ASCC3: variants seen among roughly 807,000 people sequenced by gnomAD.
The protein encoded by ASCC3 is activating signal cointegrator 1 complex subunit 3.
A neutral mutation model predicts 256.3 loss-of-function variants in ASCC3; 158 were observed. The ratio of observed to expected loss-of-function variants is 0.62; its 90% CI spans 0.54 to 0.70. The LOEUF is 0.70. Among genes scored for constraint, ASCC3 ranks in the 30% least tolerant of loss-of-function variants. ASCC3 has a pLI of 0.00. For synonymous variants in ASCC3, 948 were observed against 883.4 expected (o/e 1.07, Z -1.30); for missense variants, 2,259 against 2,626.0 (o/e 0.86, Z 3.05).
rs1231317381 is a variant in ASCC3 at position 100,516,253 on chromosome 6, T to C, written c.6002A>G (p.His2001Arg). 2 of 1,613,660 alleles carry C rather than the reference T, an allele frequency of 1.2e-6. No homozygotes were observed. Among genetic ancestry groups the C allele is most frequent in the Non-Finnish European group, 1.7e-6 (2 of 1,179,762 alleles). The change falls in exon 39 of 42, where the codon CAT becomes CGT. Residue 2001 changes from histidine (H) to arginine (R), a missense_variant. Coordinates refer to ENST00000369162, the MANE Select transcript of ASCC3 (RefSeq NM_006828.4). ...TSIESLPELI[H>R]ACGGKDHVFS... ...TACATGGTCTTTCCCTCCACAGGCA[T>C]GGATCAGTTCAGGAAGGGACTCGAT...
At chr6:100,821,020 T>C (rs1411189805) in intron 4 of ASCC3, among the ~76,000 whole-genome samples, 2 of 152,158 alleles carry the variant, frequency 1.3e-5, no homozygotes, top group African/African-American at 2.4e-5. Context: ...ATAAGTTGTA[T>C]TGTTGTTGTT....
chr6:100,509,277 G>T lies in ASCC3; in HGVS notation c.*109C>A, dbSNP rs1773638380. 6.9e-6 allele frequency: 10 copies of T among 1,442,406 alleles called. No individual in the cohort carries two copies. The highest frequency in any genetic ancestry group is 9.7e-6 in the Non-Finnish European group (10 of 1,028,992). 89.4% of individuals were successfully genotyped at this position (1,442,406 alleles called of 1,614,324 possible). ...CACTGTCAATTTCCTGGATGGTTGAGGTTAGAAGTTGATTCTTTCAAGGCA... is the reference window on the plus strand; with the variant it reads ...CACTGTCAATTTCCTGGATGGTTGATGTTAGAAGTTGATTCTTTCAAGGCA... On this transcript the variant is annotated 3_prime_UTR_variant, in exon 42 of 42. Coordinates refer to ENST00000369162, the MANE Select transcript of ASCC3 (RefSeq NM_006828.4).
chr6:100,750,275 T>C (rs937249268), intron 10 of ASCC3, among the ~76,000 whole-genome samples: 38 of 152,012 alleles, frequency 2.5e-4, no homozygotes, highest in Admixed American at 2.4e-3. Context: ...CTTAAAAATT[T>C]CAAAGGTATA....
chr6:100,743,286 G>C (rs961227533), intron 10 of ASCC3, among the ~76,000 whole-genome samples: 4 of 152,166 alleles, frequency 2.6e-5, no homozygotes, highest in African/African-American at 9.7e-5. Context: ...CACAATGTGA[G>C]AACCTGGATA....
intron 16 of ASCC3, among the ~76,000 whole-genome samples, chr6:100,660,153 TTAC>T (rs1776123793): frequency 1.3e-5 from 2 of 151,590 alleles, no homozygotes; most frequent in African/African-American, 4.8e-5. Context: ...CACCTTTAAC[TTAC>T]TACATTTTAT....
intron 8 of ASCC3, among the ~76,000 whole-genome samples, chr6:100,791,027 A>G (rs558057469): frequency 2.0e-5 from 3 of 152,028 alleles, no homozygotes; most frequent in Admixed American, 6.6e-5. Flanking sequence ...TTTGAATGAT[A>G]AAGCATTTTC....
At chr6:100,620,189 T>C (rs1773877537) in intron 30 of ASCC3, among the ~76,000 whole-genome samples, 1 of 152,188 alleles carries the variant, frequency 6.6e-6, no homozygotes, top group Admixed American at 6.5e-5. Context: ...CATTCAACTC[T>C]TTCTATCTTG....
At chr6:100,519,594 G>C (rs1774202715) in intron 37 of ASCC3, among the ~76,000 whole-genome samples, 1 of 152,066 alleles carries the variant, frequency 6.6e-6, no homozygotes, top group South Asian at 2.1e-4. Context: ...GAAGAGAAAA[G>C]GAAAAGAGAA....
chr6:100,516,454 T>C (rs569508246), intron 38 of ASCC3, 127 bp from the exon 39 acceptor site: 51 of 1,203,276 alleles, frequency 4.2e-5, no homozygotes, highest in Non-Finnish European at 5.3e-5. Context: ...AAGACCATTA[T>C]GCTAAGTTTA....
At chr6:100,601,770 G>T (rs766340584) in intron 34 of ASCC3, 40 bp downstream of exon 34, 1 of 1,541,748 alleles carries the variant, frequency 6.5e-7, no homozygotes, top group South Asian at 1.2e-5. Flanking sequence ...GTCTTATTTC[G>T]GGGCAAAACA....
intron 4 of ASCC3, among the ~76,000 whole-genome samples, chr6:100,829,817 C>T (rs1197220737): frequency 6.6e-6 from 1 of 152,048 alleles, no homozygotes; most frequent in Non-Finnish European, 1.5e-5. Context: ...AAGAGATCAA[C>T]AACAATAATA....
intron 13 of ASCC3, among the ~76,000 whole-genome samples, chr6:100,689,995 T>C (rs895619201): frequency 1.2e-4 from 18 of 152,120 alleles, no homozygotes; most frequent in Non-Finnish European, 1.6e-4. Context: ...AAGGTCAAAA[T>C]TGGCTTCTAA....
chr6:100,879,099 G>A (rs1344389641), intron 1 of ASCC3, among the ~76,000 whole-genome samples: 1 of 152,144 alleles, frequency 6.6e-6, no homozygotes, highest in Non-Finnish European at 1.5e-5. Flanking sequence ...AGGGAAACAC[G>A]TTTACCAATT....
At chr6:100,511,592 T>C (rs1773766169) in intron 40 of ASCC3, among the ~76,000 whole-genome samples, 1 of 151,612 alleles carries the variant, frequency 6.6e-6, no homozygotes, top group Non-Finnish European at 1.5e-5. Context: ...ATTAGTTGAG[T>C]GTAGTGGCAC....
chr6:100,837,852 G>C (rs540928537), intron 4 of ASCC3, among the ~76,000 whole-genome samples: 3 of 151,930 alleles, frequency 2.0e-5, no homozygotes. Context: ...ACAATATTGT[G>C]TTGGGTATTT....
intron 17 of ASCC3, among the ~76,000 whole-genome samples, chr6:100,654,242 AGTTC>A (rs1190587633): frequency 3.3e-5 from 5 of 151,494 alleles, no homozygotes; most frequent in Non-Finnish European, 5.9e-5. Context: ...TATCTGTGTT[AGTTC>A]ATAAGAGTTT....
In ASCC3 at chr6:100,532,827, A is replaced by C. The variant is rs149449596; in HGVS notation, c.5775+7336T>G. Among the ~76,000 whole-genome samples the C allele has an allele frequency of 1.1e-3, 164 of 152,326 alleles. 2 individuals are homozygous for C. The East Asian group carries it at 0.024, about 22-fold the overall frequency. ...TCAAGAATGCAGTTTTACCAAAAGA[A>C]AAATCTGAAAATTTATATTCAGGCT... is the stretch of plus-strand genomic sequence containing the variant. On this transcript the variant is annotated intron_variant, in intron 37 of 41. Transcript: ENST00000369162.
intron 16 of ASCC3, among the ~76,000 whole-genome samples, chr6:100,656,997 C>T (rs984019212): frequency 1.3e-5 from 2 of 151,116 alleles, no homozygotes; most frequent in African/African-American, 4.8e-5. Flanking sequence ...GTAAAACCTT[C>T]ATGTTTAACT....
intron 12 of ASCC3, 33 bp downstream of exon 12, chr6:100,718,042 T>C (rs773635743): frequency 6.3e-7 from 1 of 1,596,254 alleles, no homozygotes; most frequent in Admixed American, 1.7e-5. Context: ...TCAACAAAAA[T>C]ATTTTTAGAT....
Sources: gnomAD v4.1 joint callset for allele counts (sites outside exome capture counted in the v4.1 genomes callset) on GRCh38, gnomAD v4.1.1 for gene constraint, MANE v1.5 for transcripts, NCBI Gene and HGNC (gene_info 2026-07-23, HGNC 2026-07-21) for gene names.